DDX10: variants seen among roughly 807,000 people sequenced by gnomAD.
DDX10 encodes the protein DEAD-box helicase 10.
Under a neutral mutation model 104.3 loss-of-function variants are expected in DDX10, and 74 were observed. The ratio of observed to expected loss-of-function variants is 0.71; its 90% CI spans 0.59 to 0.86. The LOEUF is 0.86. Ranked by LOEUF, DDX10 falls within the 40% of genes least tolerant of loss-of-function variation. The pLI, the probability that DDX10 is intolerant of heterozygous loss-of-function variation, is 0.00. For missense variants in DDX10, 952 were observed against 1,040.0 expected (o/e 0.92, Z 1.16); for synonymous variants, 351 against 353.4 (o/e 0.99, Z 0.08).
chr11:108,797,555 A>G (rs542445623), intron 13 of DDX10, among the ~76,000 whole-genome samples: 2 of 152,242 alleles, frequency 1.3e-5, no homozygotes, highest in Non-Finnish European at 2.9e-5. Context: ...ATAGAGCTCT[A>G]TTTAGTAAAG....
chr11:108,934,657 TTA>T (rs1864014525), intron 17 of DDX10, among the ~76,000 whole-genome samples: 1 of 152,230 alleles, frequency 6.6e-6, no homozygotes, highest in Non-Finnish European at 1.5e-5. Flanking sequence ...TGATTGCTGA[TTA>T]CATCTCACAT....
Position 108,715,888 on chromosome 11 carries a change from A to G in DDX10, c.1332A>G (p.Pro444=). The change falls in exon 11 of 18, where the codon CCA becomes CCG. Residue 444 remains proline, a synonymous_variant. Coordinates refer to ENST00000322536, the MANE Select transcript of DDX10 (RefSeq NM_004398.4). ...KVPVKEIKIN[P]EKLIDVQKKL... The stretch of plus-strand genomic sequence containing the variant: ...TCTTTTTGTTACAAAGAATCAATCC[A>G]GAAAAACTTATAGATGTCCAGAAAA... 1 of 1,502,840 alleles carries G rather than the reference A, an allele frequency of 6.7e-7. No homozygotes were observed. Among genetic ancestry groups the G allele is most frequent in the Non-Finnish European group, 9.2e-7 (1 of 1,085,728 alleles). 93.1% of individuals were successfully genotyped at this position (1,502,840 alleles called of 1,614,324 possible).
intron 13 of DDX10, among the ~76,000 whole-genome samples, chr11:108,824,413 A>G (rs1282155737): frequency 1.3e-5 from 2 of 152,190 alleles, no homozygotes; most frequent in African/African-American, 2.4e-5. Flanking sequence ...CCAAATGACC[A>G]TGTGACACAA....
chr11:108,720,881 CTG>C (rs1481669238), intron 12 of DDX10, among the ~76,000 whole-genome samples: 1 of 147,162 alleles, frequency 6.8e-6, no homozygotes, highest in Non-Finnish European at 1.5e-5. Flanking sequence ...GTGTGAGCCA[CTG>C]TGCCTGGCCG....
chr11:108,934,729 A>T (rs1864015270), intron 17 of DDX10, among the ~76,000 whole-genome samples: 1 of 152,220 alleles, frequency 6.6e-6, no homozygotes, highest in South Asian at 2.1e-4. Flanking sequence ...ACTCAGCAGA[A>T]GTTGTGTTTG....
At chr11:108,665,549 C>T (rs995244502) in intron 1 of DDX10, among the ~76,000 whole-genome samples, 4 of 151,860 alleles carry the variant, frequency 2.6e-5, no homozygotes, top group African/African-American at 7.3e-5. Flanking sequence ...AATAGAAATG[C>T]GGCCGTACCT....
At chr11:108,918,256 G>T in intron 17 of DDX10, 1 of 481,842 alleles carries the variant, frequency 2.1e-6, no homozygotes, top group South Asian at 4.4e-5. Context: ...ATAGATATGA[G>T]TATGATATAT....
chr11:108,895,569 C>A (rs1049625478), intron 16 of DDX10, among the ~76,000 whole-genome samples: 2 of 151,880 alleles, frequency 1.3e-5, no homozygotes, highest in East Asian at 1.9e-4. Flanking sequence ...AAAATTAATA[C>A]CTTCTCTATA....
rs368030768 is a variant in DDX10 at position 108,691,998 on chromosome 11, T to A, written c.1098T>A (p.Ala366=). 14 of 1,613,760 alleles carry A rather than the reference T, an allele frequency of 8.7e-6. No individual in the cohort carries two copies. The highest frequency in any genetic ancestry group is 1.3e-5 in the African/African-American group (1 of 75,042). The change falls in exon 8 of 18, where the codon GCT becomes GCA. Residue 366 remains alanine (A), a synonymous_variant. Transcript: ENST00000322536. ...ATAATGAGTTTGTCCGTAAGAGAGC[T>A]GCAGTACTCTTTGCTACTGATATTG... ...EVYNEFVRKR[A]AVLFATDIAA...
chr11:108,723,230 G>A lies in DDX10; in HGVS notation c.1733G>A (p.Gly578Asp). The change falls in exon 13 of 18, where the codon GGT (glycine) becomes GAT (aspartate). Residue 578 changes from glycine to aspartate, a missense_variant. Coordinates refer to ENST00000322536, the MANE Select transcript of DDX10 (RefSeq NM_004398.4). ...GAGCACAGACAGGATAATGATACTG[G>A]TAATGAAGAACAGGAAGAAGAAGAA... Reference protein sequence around the residue: ...GTEHRQDNDTGNEEQEEEEDD... With the variant: ...GTEHRQDNDTDNEEQEEEEDD... 6.2e-7 allele frequency: 1 copy of A among 1,613,582 alleles called. No individual in the cohort carries two copies. The highest frequency in any genetic ancestry group is 8.5e-7 in the Non-Finnish European group (1 of 1,179,810).
At chr11:108,809,408 G>T (rs1168957509) in intron 13 of DDX10, among the ~76,000 whole-genome samples, 1 of 152,218 alleles carries the variant, frequency 6.6e-6, no homozygotes, top group Admixed American at 6.5e-5. Flanking sequence ...TATCCTTACA[G>T]TGAAAACAGG....
At chr11:108,778,209 G>C (rs2094372761) in intron 13 of DDX10, among the ~76,000 whole-genome samples, 1 of 151,962 alleles carries the variant, frequency 6.6e-6, no homozygotes. Flanking sequence ...AGTTCATATG[G>C]AACCAAAAAA....
intron 13 of DDX10, among the ~76,000 whole-genome samples, chr11:108,786,457 C>T (rs1168307751): frequency 2.0e-5 from 3 of 152,132 alleles, no homozygotes; most frequent in Admixed American, 1.3e-4. Flanking sequence ...GTTGAACTCT[C>T]CCACTACTAT....
chr11:108,798,761 G>C (rs1861980067), intron 13 of DDX10, among the ~76,000 whole-genome samples: 1 of 152,128 alleles, frequency 6.6e-6, no homozygotes. Context: ...GGGTGGGGTA[G>C]GGGAGAAAAG....
rs1158165764 is a variant in DDX10, at chr11:108,862,263, A to G, written c.2304+10054A>G. ...GGTCATGAACTTCTGGCACCAAGTG[A>G]TCCTCCCGCCTCAGCCTCCCAATGT... On this transcript the variant is annotated intron_variant, in intron 16 of 17. Coordinates refer to ENST00000322536, the MANE Select transcript of DDX10 (RefSeq NM_004398.4). Among the ~76,000 whole-genome samples the G allele has an allele frequency of 2.0e-5, 3 of 152,072 alleles. No homozygotes were observed. In the East Asian group the frequency reaches 5.8e-4, roughly 29 times the overall value.
intron 6 of DDX10, among the ~76,000 whole-genome samples, chr11:108,686,484 C>A (rs1281276555): frequency 6.6e-6 from 1 of 152,180 alleles, no homozygotes; most frequent in Non-Finnish European, 1.5e-5. Context: ...TGGAACCATA[C>A]AGTATGGTAG....
At chr11:108,822,520 G>T in intron 13 of DDX10, 1 of 226,984 alleles carries the variant, frequency 4.4e-6, no homozygotes. Flanking sequence ...GTATCCAACG[G>T]CCTCACCTGT....
chr11:108,719,940 A>G, intron 12 of DDX10, 55 bp downstream of exon 12: 1 of 1,109,036 alleles, frequency 9.0e-7, no homozygotes, highest in Admixed American at 1.7e-5. Flanking sequence ...GAGGGAATTA[A>G]TTAATTAATT....
At chr11:108,906,047 G>A (rs921655789) in intron 16 of DDX10, among the ~76,000 whole-genome samples, 17 of 152,076 alleles carry the variant, frequency 1.1e-4, no homozygotes, top group Admixed American at 7.2e-4. Context: ...GGTTTGAGTG[G>A]GGACACAGAT....
Sources: allele counts gnomAD v4.1 joint callset (sites outside exome capture counted in the v4.1 genomes callset), GRCh38; gene constraint gnomAD v4.1.1; transcripts MANE v1.5; gene names NCBI Gene and HGNC (gene_info 2026-07-23, HGNC 2026-07-21).